Variants in NAV3 observed in about 807,000 individuals in gnomAD.
NAV3 encodes neuron navigator 3.
A neutral mutation model predicts 244.7 loss-of-function variants in NAV3; 87 were observed. The observed-to-expected ratio is 0.36, with a 90% CI of 0.30 to 0.42. The LOEUF is 0.42. NAV3 is among the 20% of genes least tolerant of loss of function. NAV3 has a pLI of 1.00. For synonymous variants in NAV3, 1,126 were observed against 1,042.2 expected (o/e 1.08, Z -1.55); for missense variants, 2,663 against 2,893.3 (o/e 0.92, Z 1.83).
chr12:78,010,264 G>A (rs1183585811), intron 8 of NAV3, among the ~76,000 whole-genome samples: 2 of 152,000 alleles, frequency 1.3e-5, no homozygotes, highest in Non-Finnish European at 2.9e-5. Context: ...AACCTTTTAT[G>A]TTCTTTCTGA....
chr12:77,658,531 G>T (rs1021462452), intron 2 of NAV3, among the ~76,000 whole-genome samples: 89 of 151,432 alleles, frequency 5.9e-4, no homozygotes, highest in African/African-American at 2.1e-3. Context: ...TGGCCATACT[G>T]CCCAAGGTAA....
intron 2 of NAV3, among the ~76,000 whole-genome samples, chr12:77,747,088 A>G (rs1049101266): frequency 1.3e-5 from 2 of 152,186 alleles, no homozygotes; most frequent in Admixed American, 6.5e-5. Context: ...TTGAATTATA[A>G]TGTACATTTA....
chr12:78,087,707 A>C (rs931393653), intron 12 of NAV3, among the ~76,000 whole-genome samples: 1 of 151,998 alleles, frequency 6.6e-6, no homozygotes, highest in Admixed American at 6.6e-5. Context: ...TCTTCTTTTG[A>C]AATTTTTTCT....
At chr12:77,630,232 T>C (rs1871827560) in intron 2 of NAV3, among the ~76,000 whole-genome samples, 1 of 152,132 alleles carries the variant, frequency 6.6e-6, no homozygotes, top group Non-Finnish European at 1.5e-5. Flanking sequence ...TTCCTCTCGT[T>C]GGTGGTGAGG....
upstream of NAV3, among the ~76,000 whole-genome samples, chr12:77,826,233 C>G (rs1872995739): frequency 6.6e-6 from 1 of 152,064 alleles, no homozygotes; most frequent in Non-Finnish European, 1.5e-5. Context: ...TAGGGACAGG[C>G]AATGTAGCTC....
At chr12:77,932,886 C>G (rs1054577527) in intron 1 of NAV3, among the ~76,000 whole-genome samples, 3 of 152,164 alleles carry the variant, frequency 2.0e-5, no homozygotes, top group African/African-American at 2.4e-5. Flanking sequence ...ACAAAATTCT[C>G]TGAAATCATG....
chr12:78,112,639 A>T (rs1955157943), intron 12 of NAV3, among the ~76,000 whole-genome samples: 1 of 152,178 alleles, frequency 6.6e-6, no homozygotes, highest in South Asian at 2.1e-4. Context: ...TGACTCAATT[A>T]CTTCCCACCA....
At chr12:77,917,270 T>G (rs1887241070) in intron 1 of NAV3, among the ~76,000 whole-genome samples, 3 of 151,970 alleles carry the variant, frequency 2.0e-5, no homozygotes, top group African/African-American at 7.2e-5. Flanking sequence ...ATTATCAAAT[T>G]TACCCAAGAT....
chr12:78,068,864 A>G (rs1952613544), intron 12 of NAV3, among the ~76,000 whole-genome samples: 1 of 151,796 alleles, frequency 6.6e-6, no homozygotes, highest in South Asian at 2.1e-4. Flanking sequence ...ACATGATATT[A>G]CTTTTCATGA....
chr12:77,805,492 C>G (rs1871928793), intron 2 of NAV3, among the ~76,000 whole-genome samples: 4 of 152,142 alleles, frequency 2.6e-5, no homozygotes, highest in African/African-American at 4.8e-5. Context: ...TATGTTGAAC[C>G]AGCCTTGCAT....
At position 78,211,593 on chromosome 12, in the gene NAV3, T is replaced by C. The variant is rs1960891271; in HGVS notation, c.*1076T>C. 6.6e-6 allele frequency: 1 copy of C among 152,558 alleles called. No homozygotes were observed. Among genetic ancestry groups the C allele is most frequent in the Admixed American group, 6.6e-5 (1 of 15,256 alleles). 9.5% of individuals were successfully genotyped at this position (152,558 alleles called of 1,614,324 possible). A position where few individuals can be genotyped will look rare whatever the true frequency, so the allele number is the denominator to read the frequency against. On this transcript the variant is annotated 3_prime_UTR_variant, in exon 40 of 40. Coordinates refer to ENST00000397909, the MANE Select transcript of NAV3 (RefSeq NM_001024383.2). ...CCAGAAATGCTCTTTGACCGTCACTTAAAACCTAAGACATGTGGCGAAATT... is the reference window on the plus strand; with the variant it reads ...CCAGAAATGCTCTTTGACCGTCACTCAAAACCTAAGACATGTGGCGAAATT...
chr12:77,697,654 T>C (rs768073938), intron 2 of NAV3, among the ~76,000 whole-genome samples: 2 of 152,172 alleles, frequency 1.3e-5, no homozygotes, highest in Non-Finnish European at 2.9e-5. Context: ...ATTAAGATTT[T>C]AGTAAGTGGT....
At chr12:77,727,617 A>G (rs576930966) in intron 2 of NAV3, among the ~76,000 whole-genome samples, 8 of 152,112 alleles carry the variant, frequency 5.3e-5, no homozygotes, top group Non-Finnish European at 5.9e-5. Context: ...GGAGCTGCAC[A>G]TTGTTCAGTA....
At chr12:77,590,176 A>T (rs891562656) in intron 2 of NAV3, among the ~76,000 whole-genome samples, 6 of 152,082 alleles carry the variant, frequency 3.9e-5, no homozygotes, top group Admixed American at 3.9e-4. Context: ...GAGGCTGTGC[A>T]CTTAAATTTG....
chr12:77,723,054 T>G (rs1876710283), intron 2 of NAV3, among the ~76,000 whole-genome samples: 1 of 151,982 alleles, frequency 6.6e-6, no homozygotes, highest in Admixed American at 6.6e-5. Context: ...CCTTTTGGGT[T>G]TTTACTAAAT....
intron 2 of NAV3, among the ~76,000 whole-genome samples, chr12:77,577,611 A>G (rs1284783655): frequency 6.6e-6 from 1 of 152,188 alleles, no homozygotes; most frequent in Non-Finnish European, 1.5e-5. Flanking sequence ...AATGGATAAA[A>G]TATACAGTCC....
In NAV3 at chr12:78,140,351, A is replaced by G. The variant is rs1387484839; in HGVS notation, c.4683+17A>G. 6.2e-7 allele frequency: 1 copy of G among 1,606,802 alleles called. No homozygotes were observed. The highest frequency in any genetic ancestry group is 8.5e-7 in the Non-Finnish European group (1 of 1,174,072). ...TACTCTACAGTAAGTAATGGCTGTT[A>G]AGAAAAAGCTTGTGCTTTTGCCATG... On this transcript the variant is annotated intron_variant, in intron 20 of 39. Transcript: ENST00000397909.
chr12:77,940,411 C>T lies in NAV3; in HGVS notation c.336C>T (p.Leu112=), dbSNP rs2137471580. 1 of 1,613,406 alleles carries T rather than the reference C, an allele frequency of 6.2e-7. No individual in the cohort carries two copies. The highest frequency in any genetic ancestry group is 8.5e-7 in the Non-Finnish European group (1 of 1,179,476). ...DLQQDIADGV[L]LAEIIQIIAN... ...AACAAGACATTGCAGATGGAGTACT[C>T]CTAGCAGAAATCATCCAGATTATTG... Residue 112 remains leucine, a synonymous_variant, in exon 2 of 40, where the codon CTC becomes CTT. Transcript: ENST00000397909.
intron 22 of NAV3, among the ~76,000 whole-genome samples, chr12:78,154,694 A>G (rs1172470000): frequency 6.6e-6 from 1 of 151,876 alleles, no homozygotes; most frequent in East Asian, 1.9e-4. Flanking sequence ...TTTTACTCTG[A>G]CCTTAAAATT....
Sources: allele counts gnomAD v4.1 joint callset (sites outside exome capture counted in the v4.1 genomes callset), GRCh38; gene constraint gnomAD v4.1.1; transcripts MANE v1.5; gene names NCBI Gene and HGNC (gene_info 2026-07-23, HGNC 2026-07-21).